The following ASAP1 variants were observed in gnomAD, a reference collection of about 807,000 sequenced individuals.
ASAP1 encodes ArfGAP with SH3 domain, ankyrin repeat and PH domain 1.
A neutral mutation model predicts 145.2 loss-of-function variants in ASAP1; 43 were observed. The ratio of observed to expected loss-of-function variants is 0.30; its 90% confidence interval spans 0.23 to 0.38. The LOEUF (loss-of-function observed/expected upper bound fraction) is 0.38, where lower values mean the gene tolerates loss of function less well. ASAP1 is among the 10% of genes least tolerant of loss of function. The pLI, the probability that ASAP1 is intolerant of heterozygous loss-of-function variation, is 1.00. For missense variants in ASAP1, 1,018 were observed against 1,355.3 expected (o/e 0.75, Z 3.91); for synonymous variants, 546 against 515.5 (o/e 1.06, Z -0.80).
chr8:130,310,800 G>C (rs1457372387), intron 3 of ASAP1, among the ~76,000 whole-genome samples: 5 of 152,114 alleles, frequency 3.3e-5, no homozygotes, highest in African/African-American at 1.2e-4. Context: ...AAAATTTTCT[G>C]AATGGGCTCA....
chr8:130,300,182 A>AGAGAGAGAGAGAGAGG (rs1822570101), intron 3 of ASAP1, among the ~76,000 whole-genome samples: 2 of 146,062 alleles, frequency 1.4e-5, no homozygotes, highest in Non-Finnish European at 3.0e-5. Context: ...AGAGAGAGAG[A>AGAGAGAGAGAGAGAGG]GAGAGCGAGC....
chr8:130,409,189 T>C (rs1829159825), intron 1 of ASAP1, among the ~76,000 whole-genome samples: 1 of 151,782 alleles, frequency 6.6e-6, no homozygotes, highest in African/African-American at 2.4e-5. Context: ...TTGAACCCAG[T>C]AGGCAGAGGT....
intron 24 of ASAP1, among the ~76,000 whole-genome samples, chr8:130,103,277 T>C (rs1004747662): frequency 6.6e-6 from 1 of 152,076 alleles, no homozygotes; most frequent in Non-Finnish European, 1.5e-5. Flanking sequence ...TCTAATCTTA[T>C]TTATTTGGGT....
chr8:130,221,096 C>G (rs1817267561), intron 4 of ASAP1, among the ~76,000 whole-genome samples: 1 of 152,046 alleles, frequency 6.6e-6, no homozygotes, highest in Non-Finnish European at 1.5e-5. Flanking sequence ...TAGCCAGGCA[C>G]TGTGGTATGA....
At chr8:130,437,119 A>T (rs2138821330) in intron 1 of ASAP1, among the ~76,000 whole-genome samples, 1 of 152,166 alleles carries the variant, frequency 6.6e-6, no homozygotes, top group East Asian at 1.9e-4. Context: ...AAAAAAAAAA[A>T]AAAATTAAAA....
intron 25 of ASAP1, among the ~76,000 whole-genome samples, chr8:130,091,414 T>G (rs902610235): frequency 1.3e-5 from 2 of 152,086 alleles, no homozygotes; most frequent in African/African-American, 4.8e-5. Flanking sequence ...GGGAGGGCCC[T>G]CAGGAGGCAG....
chr8:130,255,265 C>T (rs1247004088), intron 3 of ASAP1, among the ~76,000 whole-genome samples: 1 of 152,094 alleles, frequency 6.6e-6, no homozygotes, highest in Non-Finnish European at 1.5e-5. Flanking sequence ...TTGTTTTGAA[C>T]ACAATACCCA....
chr8:130,139,685 C>T (rs1021766367), intron 13 of ASAP1, among the ~76,000 whole-genome samples: 3 of 151,642 alleles, frequency 2.0e-5, no homozygotes, highest in Non-Finnish European at 2.9e-5. Flanking sequence ...GCCAAAGTCA[C>T]GCCATTGCAC....
chr8:130,154,292 T>C (rs76250125), intron 12 of ASAP1, among the ~76,000 whole-genome samples: 228 of 152,242 alleles, frequency 1.5e-3, no homozygotes, highest in African/African-American at 5.4e-3. Context: ...TAACAAGTGA[T>C]AGACATTTTG....
chr8:130,236,054 C>T (rs1400364721), intron 4 of ASAP1, among the ~76,000 whole-genome samples: 1 of 152,064 alleles, frequency 6.6e-6, no homozygotes, highest in African/African-American at 2.4e-5. Flanking sequence ...GGTCACCTTG[C>T]TAATAAGAAG....
At chr8:130,066,586 T>TTC (rs368228049) in intron 27 of ASAP1, among the ~76,000 whole-genome samples, 1 of 151,702 alleles carries the variant, frequency 6.6e-6, no homozygotes. Flanking sequence ...TCTTTCTTTC[T>TTC]TCTCTCTCTC....
At chr8:130,085,331 C>T (rs1382373185) in intron 25 of ASAP1, among the ~76,000 whole-genome samples, 2 of 152,206 alleles carry the variant, frequency 1.3e-5, no homozygotes, top group African/African-American at 4.8e-5. Context: ...GGAGAAATCA[C>T]ACTCCTGGAA....
intron 3 of ASAP1, among the ~76,000 whole-genome samples, chr8:130,325,073 T>C (rs1393951547): frequency 6.6e-6 from 1 of 152,146 alleles, no homozygotes; most frequent in African/African-American, 2.4e-5. Context: ...TGCCTATACA[T>C]TTAGGGACCA....
At chr8:130,085,489 C>A (rs187625814) in intron 25 of ASAP1, among the ~76,000 whole-genome samples, 11 of 152,266 alleles carry the variant, frequency 7.2e-5, no homozygotes, top group African/African-American at 2.6e-4. Flanking sequence ...AATCCCAGCA[C>A]TTTGGGAGGT....
chr8:130,214,335 C>A (rs1477741320), intron 5 of ASAP1, among the ~76,000 whole-genome samples: 1 of 152,104 alleles, frequency 6.6e-6, no homozygotes, highest in South Asian at 2.1e-4. Flanking sequence ...GGTACAAATT[C>A]CAGGAATTTC....
intron 5 of ASAP1, among the ~76,000 whole-genome samples, chr8:130,189,979 T>C (rs571217764): frequency 6.6e-6 from 1 of 152,346 alleles, no homozygotes; most frequent in African/African-American, 2.4e-5. Context: ...TCAGATCTTT[T>C]GCCCAGTTTA....
intron 25 of ASAP1, chr8:130,082,925 C>T (rs1351297110): frequency 2.6e-5 from 4 of 152,126 alleles, no homozygotes; most frequent in Admixed American, 1.3e-4. Context: ...AAATCTTATA[C>T]TTTCCCACTT....
intron 7 of ASAP1, among the ~76,000 whole-genome samples, chr8:130,183,649 T>C (rs1446736612): frequency 6.6e-6 from 1 of 152,180 alleles, no homozygotes; most frequent in African/African-American, 2.4e-5. Flanking sequence ...AAAATTATTA[T>C]AAAATCAGTA....
At chr8:130,127,113 T>C (rs1005422341) in intron 16 of ASAP1, among the ~76,000 whole-genome samples, 3 of 152,134 alleles carry the variant, frequency 2.0e-5, no homozygotes, top group African/African-American at 7.2e-5. Flanking sequence ...AAATAAAAGT[T>C]TGGGAGAAGG....
Sources: allele counts gnomAD v4.1 joint callset (sites outside exome capture counted in the v4.1 genomes callset), GRCh38; gene constraint gnomAD v4.1.1; transcripts MANE v1.5; gene names NCBI Gene and HGNC (gene_info 2026-07-23, HGNC 2026-07-21).